Variants in SLC16A3 observed in about 807,000 individuals in gnomAD.
The protein encoded by SLC16A3 is monocarboxylate transporter 4.
In SLC16A3, 22 loss-of-function variants were observed where a neutral mutation model predicts 25.0. That is an observed-to-expected ratio of 0.88 (90% CI 0.63 to 1.26). SLC16A3 has a LOEUF of 1.26. SLC16A3 is among the 50% of genes most tolerant of loss of function. The pLI is 0.00. For missense variants in SLC16A3, 731 were observed against 666.6 expected (o/e 1.10, Z -1.06); for synonymous variants, 390 against 309.2 (o/e 1.26, Z -2.74).
rs1012691613 is a variant in SLC16A3 at position 82,240,065 on chromosome 17, G to A, written c.*1089G>A. The A allele has an allele frequency of 1.6e-5, 20 of 1,233,648 alleles. No homozygotes were observed. The highest frequency in any genetic ancestry group is 2.0e-5 in the Non-Finnish European group (20 of 987,854). 76.4% of individuals were successfully genotyped at this position (1,233,648 alleles called of 1,614,324 possible). A position where few individuals can be genotyped will look rare whatever the true frequency, so the allele number is the denominator to read the frequency against. On this transcript the variant is annotated 3_prime_UTR_variant, in exon 5 of 5. Coordinates refer to ENST00000582743, the MANE Select transcript of SLC16A3 (RefSeq NM_004207.4). ...AGAGATGCCATGTCCCTGCTCCTCT[G>A]CAATGAAAAGCAAGCGAAAAGTGCA... is the stretch of plus-strand genomic sequence containing the variant.
chr17:82,236,910 G>T, intron 3 of SLC16A3, 38 bp downstream of exon 3: 1 of 1,597,340 alleles, frequency 6.3e-7, no homozygotes, highest in African/African-American at 1.3e-5. Context: ...CGTGCCAGGA[G>T]GGGCAGGGGC....
chr17:82,234,385 G>C (rs1185448207), intron 1 of SLC16A3: 1 of 152,492 alleles, frequency 6.6e-6, no homozygotes, highest in African/African-American at 2.4e-5. Context: ...ATGGTTCCGA[G>C]GCCTGGGTCC....
At chr17:82,222,692 A>G (rs2050396427) in intron 1 of SLC16A3, among the ~76,000 whole-genome samples, 1 of 151,460 alleles carries the variant, frequency 6.6e-6, no homozygotes, top group Non-Finnish European at 1.5e-5. Context: ...TAATCCAGCT[A>G]CTCGGGAGGC....
Position 82,239,702 on chromosome 17 carries a change from C to T in SLC16A3, c.*726C>T, listed in dbSNP as rs993177440. On this transcript the variant is annotated 3_prime_UTR_variant, in exon 5 of 5. Coordinates refer to ENST00000582743, the MANE Select transcript of SLC16A3 (RefSeq NM_004207.4). ...GCCTCTGAAATGTGCCAGGGAGCCC[C>T]TACGTGGTGGTTAGATGGGAGCTGA... 2 of 359,020 alleles carry T rather than the reference C, an allele frequency of 5.6e-6. No individual in the cohort carries two copies. The highest frequency in any genetic ancestry group is 4.2e-5 in the African/African-American group (2 of 47,508). The allele number at this position is 359,020 out of a possible 1,614,324, so 22.2% of individuals were successfully genotyped here. A position where few individuals can be genotyped will look rare whatever the true frequency, so the allele number is the denominator to read the frequency against.
chr17:82,238,313 T>TC (rs2050668808), intron 4 of SLC16A3, among the ~76,000 whole-genome samples: 1 of 151,472 alleles, frequency 6.6e-6, no homozygotes, highest in Non-Finnish European at 1.5e-5. Flanking sequence ...GGCGAGGGGG[T>TC]CCTGGGCTTG....
chr17:82,220,598 C>T (rs1436644236), intron 1 of SLC16A3, among the ~76,000 whole-genome samples: 1 of 152,046 alleles, frequency 6.6e-6, no homozygotes, highest in Non-Finnish European at 1.5e-5. Context: ...CAGTGAGATC[C>T]TGTCTCTATC....
chr17:82,232,918 C>CGGG (rs150048859), intron 1 of SLC16A3, among the ~76,000 whole-genome samples: 8,369 of 46,960 alleles, frequency 0.18, 1,067 homozygotes, highest in East Asian at 0.45. Flanking sequence ...TGGGGGGCGG[C>CGGG]GGGGGGGGGG....
chr17:82,219,167 GC>G (rs1406316209), intron 1 of SLC16A3, among the ~76,000 whole-genome samples: 1 of 152,108 alleles, frequency 6.6e-6, no homozygotes, highest in Non-Finnish European at 1.5e-5. Context: ...ATGCAGGGAA[GC>G]CCCCAAGCTG....
At chr17:82,218,431 C>T (rs1314391537) in intron 1 of SLC16A3, among the ~76,000 whole-genome samples, 2 of 148,408 alleles carry the variant, frequency 1.3e-5, no homozygotes, top group Non-Finnish European at 3.0e-5. Context: ...GCGGGGTGGA[C>T]GGCCAAGGGG....
Position 82,237,295 on chromosome 17 carries a change from C to T in SLC16A3, c.525C>T (p.Gly175=). The T allele has an allele frequency of 6.4e-7, 1 of 1,557,772 alleles. No homozygotes were observed. The highest frequency in any genetic ancestry group is 1.2e-5 in the South Asian group (1 of 84,802). Residue 175 remains glycine (G), a synonymous_variant, in exon 4 of 5, where the codon GGC becomes GGT. Coordinates refer to ENST00000582743, the MANE Select transcript of SLC16A3 (RefSeq NM_004207.4). ...PLGQLLQDRY[G]WRGGFLILGG... The stretch of plus-strand genomic sequence containing the variant: ...GGCAGCTGCTGCAGGACCGCTACGG[C>T]TGGCGGGGCGGCTTCCTCATCCTGG...
At chr17:82,218,585 T>C (rs571495551) in intron 1 of SLC16A3, among the ~76,000 whole-genome samples, 55 of 151,894 alleles carry the variant, frequency 3.6e-4, no homozygotes, top group Admixed American at 2.0e-3. Context: ...GTGCCGAGGG[T>C]GTGTGCAGGT....
intron 1 of SLC16A3, among the ~76,000 whole-genome samples, chr17:82,221,814 G>A (rs187667981): frequency 1.3e-5 from 2 of 152,198 alleles, no homozygotes; most frequent in East Asian, 1.9e-4. Flanking sequence ...GGAGGCAGGA[G>A]GATCACTTGA....
intron 1 of SLC16A3, chr17:82,230,323 G>A (rs368604854): frequency 2.0e-5 from 3 of 152,390 alleles, no homozygotes; most frequent in East Asian, 1.9e-4. Flanking sequence ...TGCAGCGTCT[G>A]TCCCCCAGGG....
upstream of SLC16A3, among the ~76,000 whole-genome samples, chr17:82,226,097 G>C (rs114724051): frequency 3.7e-4 from 56 of 152,174 alleles, no homozygotes; most frequent in African/African-American, 1.3e-3. Context: ...GGAAGGACCT[G>C]GGGGCCAGGC....
intron 4 of SLC16A3, among the ~76,000 whole-genome samples, chr17:82,238,135 G>C (rs112860574): frequency 7.2e-4 from 110 of 152,366 alleles, no homozygotes; most frequent in Non-Finnish European, 9.4e-4. Context: ...CTGGGCCCGG[G>C]GGGGGGCAGC....
At chr17:82,219,498 G>C (rs532197878) in intron 1 of SLC16A3, among the ~76,000 whole-genome samples, 2 of 152,104 alleles carry the variant, frequency 1.3e-5, no homozygotes, top group African/African-American at 4.8e-5. Context: ...GTAGGGTCTC[G>C]CAGGCCAGAG....
Position 82,237,235 on chromosome 17 carries a change from T to C in SLC16A3, c.465T>C (p.Gly155=). The C allele has an allele frequency of 1.9e-6, 3 of 1,557,030 alleles. No individual in the cohort carries two copies. The highest frequency in any genetic ancestry group is 2.6e-6 in the Non-Finnish European group (3 of 1,150,608). The part of the protein sequence containing the change: ...RPMANGLAAA[G]SPVFLCALSP... The stretch of plus-strand genomic sequence containing the variant: ...TGGCCAACGGGCTGGCGGCAGCAGG[T>C]AGCCCTGTCTTCCTGTGTGCCCTGA... Residue 155 remains glycine (G), a synonymous_variant, in exon 4 of 5, where the codon GGT becomes GGC. Transcript: ENST00000582743.
chr17:82,237,730 C>T lies in SLC16A3; in HGVS notation c.960C>T (p.Gly320=), dbSNP rs779620070. 2.9e-5 allele frequency: 46 copies of T among 1,611,964 alleles called. No individual in the cohort carries two copies. The East Asian group carries it at 9.6e-4, about 34-fold the overall frequency. ...GTTCTACGGCGGGCGACTACGGCGG[C>T]CTCGTGGTCTTCTGCATCTTCTTTG... is the stretch of plus-strand genomic sequence containing the variant. ...LAGSTAGDYG[G]LVVFCIFFGI... is the part of the protein sequence containing the mutation. The change falls in exon 4 of 5, where the codon GGC becomes GGT. Residue 320 remains glycine, a synonymous_variant. Transcript: ENST00000582743.
intron 3 of SLC16A3, 132 bp from the exon 4 acceptor site, chr17:82,237,006 C>A: frequency 6.9e-7 from 1 of 1,454,430 alleles, no homozygotes; most frequent in Non-Finnish European, 9.2e-7. Flanking sequence ...TCGTTGTCCC[C>A]CTCTCGAGTG....
Sources: gnomAD v4.1 joint callset for allele counts (sites outside exome capture counted in the v4.1 genomes callset) on GRCh38, gnomAD v4.1.1 for gene constraint, MANE v1.5 for transcripts, NCBI Gene and HGNC (gene_info 2026-07-23, HGNC 2026-07-21) for gene names.